Variants in PCDHA10 observed in about 807,000 individuals in gnomAD.
PCDHA10 encodes protocadherin alpha-10.
PCDHA10 carries 45 observed loss-of-function variants against 61.2 expected under a neutral mutation model. The ratio of observed to expected loss-of-function variants is 0.74; its 90% CI spans 0.58 to 0.94. PCDHA10 has a LOEUF of 0.94. Ranked by LOEUF, PCDHA10 falls within the 40% of genes least tolerant of loss-of-function variation. The pLI, the probability that PCDHA10 is intolerant of heterozygous loss-of-function variation, is 0.00. For synonymous variants in PCDHA10, 602 were observed against 548.8 expected, an observed-to-expected ratio of 1.10 and a Z score of -1.35; for missense variants, 1,278 against 1,236.2, an observed-to-expected ratio of 1.03 and a Z score of -0.51.
chr5:140,988,900 G>A (rs2097319351), intron 3 of PCDHA10: 1 of 152,194 alleles, frequency 6.6e-6, no homozygotes, highest in Admixed American at 6.5e-5. Context: ...ACATTTTAGA[G>A]GGTGTAGTGA....
chr5:140,858,511 GTA>G (rs1554151718), intron 1 of PCDHA10, 75 bp downstream of exon 1: 1 of 1,433,712 alleles, frequency 7.0e-7, no homozygotes, highest in Admixed American at 2.0e-5. Flanking sequence ...TCTCAAATAT[GTA>G]TCAGAATATT....
At chr5:140,982,589 T>C in intron 3 of PCDHA10, 26 bp downstream of exon 3, 1 of 1,610,940 alleles carries the variant, frequency 6.2e-7, no homozygotes, top group Non-Finnish European at 8.5e-7. Context: ...CTCTCCATTC[T>C]TTCTTGGTTT....
chr5:140,953,901 A>G (rs1354951706), intron 1 of PCDHA10, among the ~76,000 whole-genome samples: 1 of 152,156 alleles, frequency 6.6e-6, no homozygotes, highest in Admixed American at 6.5e-5. Flanking sequence ...TATTAAGCCC[A>G]GCATCCATTA....
chr5:140,861,197 T>C (rs1203877900), intron 1 of PCDHA10: 1 of 162,270 alleles, frequency 6.2e-6, no homozygotes, highest in Non-Finnish European at 1.3e-5. Context: ...CATGAAATAT[T>C]GTTTTACTAA....
At chr5:140,948,903 CTTAGGTAACTGA>C (rs1213410342) in intron 1 of PCDHA10, among the ~76,000 whole-genome samples, 1 of 151,196 alleles carries the variant, frequency 6.6e-6, no homozygotes, top group Non-Finnish European at 1.5e-5. Context: ...TAAGTGGATT[CTTAGGTAACTGA>C]TTAGGTAACT....
At chr5:140,937,020 G>A (rs2091265832) in intron 1 of PCDHA10, among the ~76,000 whole-genome samples, 1 of 151,388 alleles carries the variant, frequency 6.6e-6, no homozygotes. Flanking sequence ...CGATTAACAA[G>A]GTATATTCTT....
intron 1 of PCDHA10, among the ~76,000 whole-genome samples, chr5:140,951,891 C>T (rs913687305): frequency 1.3e-5 from 2 of 152,110 alleles, no homozygotes; most frequent in Non-Finnish European, 2.9e-5. Context: ...TCTCTTCTGC[C>T]TATGAGCCTG....
At chr5:141,009,118 C>G (rs2098400274) in intron 3 of PCDHA10, among the ~76,000 whole-genome samples, 1 of 152,182 alleles carries the variant, frequency 6.6e-6, no homozygotes, top group Non-Finnish European at 1.5e-5. Flanking sequence ...AAACTAGATT[C>G]TTGGTATCCT....
At chr5:140,863,561 A>G (rs1581693390) in intron 1 of PCDHA10, 1 of 376,820 alleles carries the variant, frequency 2.7e-6, no homozygotes. Flanking sequence ...GAAATTTTTG[A>G]GAATATAAGT....
intron 3 of PCDHA10, among the ~76,000 whole-genome samples, chr5:141,000,919 A>AT (rs2097975024): frequency 6.6e-6 from 1 of 152,134 alleles, no homozygotes; most frequent in Non-Finnish European, 1.5e-5. Flanking sequence ...AAAAAAAAAA[A>AT]TCCTGTGTGA....
At chr5:140,920,767 C>T (rs1484117906) in intron 1 of PCDHA10, among the ~76,000 whole-genome samples, 1 of 151,632 alleles carries the variant, frequency 6.6e-6, no homozygotes. Context: ...TTGCTTACAC[C>T]TGGGAGGTGG....
intron 1 of PCDHA10, among the ~76,000 whole-genome samples, chr5:140,886,846 AAG>A (rs1345370045): frequency 2.0e-5 from 3 of 151,444 alleles, no homozygotes; most frequent in Admixed American, 6.6e-5. Context: ...AAAAAAAAAA[AAG>A]AAAGGTCTTC....
chr5:140,918,549 T>C (rs1313720970), intron 1 of PCDHA10, among the ~76,000 whole-genome samples: 3 of 152,222 alleles, frequency 2.0e-5, no homozygotes, highest in Non-Finnish European at 2.9e-5. Flanking sequence ...CCATGTGCAA[T>C]TGAGAAGAAT....
At chr5:140,876,274 G>C (rs1554168448) in intron 1 of PCDHA10, 8 of 1,613,990 alleles carry the variant, frequency 5.0e-6, no homozygotes, top group Non-Finnish European at 6.8e-6. Context: ...AAATGCTTCC[G>C]ATCCAGACGA....
At chr5:140,875,395 GT>G in intron 1 of PCDHA10, 1 of 1,478,260 alleles carries the variant, frequency 6.8e-7, no homozygotes, top group African/African-American at 1.4e-5. Context: ...ACAGAAAAGG[GT>G]GACTGCTCAT....
chr5:140,921,953 C>A (rs2080517782), intron 1 of PCDHA10, among the ~76,000 whole-genome samples: 3 of 151,116 alleles, frequency 2.0e-5, no homozygotes, highest in African/African-American at 4.9e-5. Flanking sequence ...TTGTAAAATC[C>A]CAGAAAACCA....
chr5:140,918,625 C>T (rs1365715302), intron 1 of PCDHA10, among the ~76,000 whole-genome samples: 2 of 152,086 alleles, frequency 1.3e-5, no homozygotes, highest in Non-Finnish European at 2.9e-5. Context: ...TTTGTGTTCC[C>T]CAAATTCATA....
intron 1 of PCDHA10, among the ~76,000 whole-genome samples, chr5:140,874,110 C>T (rs115562650): frequency 0.024 from 3,605 of 152,160 alleles, 51 homozygotes; most frequent in Middle Eastern, 0.034. Flanking sequence ...AATTACTTAA[C>T]GTTTTATAGT....
At chr5:140,955,124 CTG>C (rs1404094455) in intron 1 of PCDHA10, among the ~76,000 whole-genome samples, 1 of 152,016 alleles carries the variant, frequency 6.6e-6, no homozygotes. Context: ...TTCTGTTCCA[CTG>C]GTCTACACGT....
Sources: allele counts gnomAD v4.1 joint callset (sites outside exome capture counted in the v4.1 genomes callset), GRCh38; gene constraint gnomAD v4.1.1; transcripts MANE v1.5; gene names NCBI Gene and HGNC (gene_info 2026-07-23, HGNC 2026-07-21).